Variants in NLGN1 observed in about 807,000 individuals in gnomAD.
NLGN1 encodes neuroligin 1, also known as neuroligin-1.
Under a neutral mutation model 65.5 loss-of-function variants are expected in NLGN1, and 12 were observed. The ratio of observed to expected loss-of-function variants is 0.18; its 90% CI spans 0.12 to 0.30. The LOEUF is 0.30. NLGN1 is among the 10% of genes least tolerant of loss of function. The pLI, the probability that NLGN1 is intolerant of heterozygous loss-of-function variation, is 1.00. For synonymous variants in NLGN1, 350 were observed against 359.5 expected (o/e 0.97, Z 0.30); for missense variants, 750 against 1,007.1 (o/e 0.74, Z 3.46).
chr3:173,467,692 C>G (rs1724598861), intron 2 of NLGN1, among the ~76,000 whole-genome samples: 1 of 152,142 alleles, frequency 6.6e-6, no homozygotes, highest in Non-Finnish European at 1.5e-5. Context: ...ACACCTAGAA[C>G]ACTCCATGAC....
chr3:173,791,252 G>A (rs1050144484), intron 3 of NLGN1, among the ~76,000 whole-genome samples: 1 of 152,140 alleles, frequency 6.6e-6, no homozygotes, highest in East Asian at 1.9e-4. Flanking sequence ...GGAAGTTCTG[G>A]GTAATCGTTA....
At chr3:174,213,830 A>G (rs1424964990) in intron 4 of NLGN1, among the ~76,000 whole-genome samples, 1 of 152,168 alleles carries the variant, frequency 6.6e-6, no homozygotes, top group Non-Finnish European at 1.5e-5. Flanking sequence ...ACTTTTGAAA[A>G]CTATTACATT....
At chr3:174,218,910 T>C (rs534371606) in intron 4 of NLGN1, among the ~76,000 whole-genome samples, 3 of 152,060 alleles carry the variant, frequency 2.0e-5, no homozygotes, top group Non-Finnish European at 2.9e-5. Flanking sequence ...CGGGCTGTTA[T>C]TGCCATTTAT....
chr3:173,832,967 G>A (rs1310320235), intron 4 of NLGN1, among the ~76,000 whole-genome samples: 3 of 151,890 alleles, frequency 2.0e-5, no homozygotes, highest in Admixed American at 1.3e-4. Context: ...ATTTCACTAC[G>A]GGATGCAGAG....
intron 2 of NLGN1, among the ~76,000 whole-genome samples, chr3:173,559,882 A>G (rs1341734263): frequency 6.6e-6 from 1 of 152,104 alleles, no homozygotes; most frequent in African/African-American, 2.4e-5. Context: ...ATTATTAATG[A>G]AAAACACTAA....
chr3:173,832,106 G>A (rs77254991), intron 4 of NLGN1, among the ~76,000 whole-genome samples: 9,990 of 142,592 alleles, frequency 0.07, 450 homozygotes, highest in Non-Finnish European at 0.093. Context: ...ACAGTTGCTC[G>A]CCTCCAAGCC....
chr3:174,276,423 A>ATGAT (rs1390109845), intron 5 of NLGN1, among the ~76,000 whole-genome samples: 2 of 151,910 alleles, frequency 1.3e-5, no homozygotes, highest in East Asian at 1.9e-4. Flanking sequence ...TTATTTATGT[A>ATGAT]TGATAGGAAG....
intron 3 of NLGN1, among the ~76,000 whole-genome samples, chr3:173,613,902 A>T (rs1423094778): frequency 1.3e-5 from 2 of 152,030 alleles, no homozygotes; most frequent in Non-Finnish European, 2.9e-5. Flanking sequence ...GAAAAATCTG[A>T]TTAATGAACA....
At chr3:173,847,437 T>G (rs1360988666) in intron 4 of NLGN1, among the ~76,000 whole-genome samples, 1 of 152,162 alleles carries the variant, frequency 6.6e-6, no homozygotes, top group Non-Finnish European at 1.5e-5. Context: ...GATCAAGTGC[T>G]CAATTCTTCA....
chr3:173,408,628 A>G (rs1711793015), intron 1 of NLGN1, among the ~76,000 whole-genome samples: 1 of 152,136 alleles, frequency 6.6e-6, no homozygotes, highest in Non-Finnish European at 1.5e-5. Flanking sequence ...GAATAGGCGC[A>G]TTGGCCGGGC....
At chr3:173,929,148 T>C (rs2152281120) in intron 4 of NLGN1, among the ~76,000 whole-genome samples, 1 of 152,338 alleles carries the variant, frequency 6.6e-6, no homozygotes, top group East Asian at 1.9e-4. Context: ...CCATTTAATA[T>C]GTGTTCAATA....
intron 2 of NLGN1, among the ~76,000 whole-genome samples, chr3:173,523,046 G>T (rs1349649091): frequency 6.6e-6 from 1 of 151,458 alleles, no homozygotes; most frequent in Non-Finnish European, 1.5e-5. Flanking sequence ...TTTTTTATAT[G>T]CATGTTGGAC....
chr3:174,060,395 C>G (rs1436799271), intron 4 of NLGN1, among the ~76,000 whole-genome samples: 6 of 151,986 alleles, frequency 3.9e-5, no homozygotes, highest in Non-Finnish European at 7.4e-5. Flanking sequence ...GGAAGCAACT[C>G]AGGATCTGAT....
intron 2 of NLGN1, among the ~76,000 whole-genome samples, chr3:173,464,752 T>C (rs1219126892): frequency 6.6e-6 from 1 of 152,230 alleles, no homozygotes; most frequent in African/African-American, 2.4e-5. Context: ...GTTACAATTC[T>C]ATATGCAAGG....
intron 4 of NLGN1, among the ~76,000 whole-genome samples, chr3:174,237,113 A>C (rs1379855933): frequency 1.3e-5 from 2 of 152,096 alleles, no homozygotes; most frequent in African/African-American, 4.8e-5. Flanking sequence ...TAATTTATTG[A>C]TAAAGTAGAA....
At chr3:173,589,422 C>G (rs1333506703) in intron 2 of NLGN1, among the ~76,000 whole-genome samples, 1 of 152,258 alleles carries the variant, frequency 6.6e-6, no homozygotes, top group East Asian at 1.9e-4. Context: ...ACTGCATAGT[C>G]AACTTTCCTC....
At chr3:173,461,767 AT>A (rs1460137124) in intron 2 of NLGN1, among the ~76,000 whole-genome samples, 3 of 152,074 alleles carry the variant, frequency 2.0e-5, no homozygotes, top group Non-Finnish European at 4.4e-5. Context: ...TACAAAAAAA[AT>A]CTCTCTTCTT....
intron 4 of NLGN1, among the ~76,000 whole-genome samples, chr3:173,859,137 GAAAC>G (rs905682000): frequency 7.9e-5 from 12 of 151,874 alleles, no homozygotes; most frequent in Admixed American, 7.2e-4. Flanking sequence ...AAAATAAAAA[GAAAC>G]AAACAAAGAT....
chr3:174,190,300 A>T (rs1577284491), intron 4 of NLGN1, among the ~76,000 whole-genome samples: 1 of 152,180 alleles, frequency 6.6e-6, no homozygotes, highest in East Asian at 1.9e-4. Flanking sequence ...AAAAGCAAAG[A>T]ACATGAACCT....
Sources: allele counts gnomAD v4.1 joint callset (sites outside exome capture counted in the v4.1 genomes callset), GRCh38; gene constraint gnomAD v4.1.1; transcripts MANE v1.5; gene names NCBI Gene and HGNC (gene_info 2026-07-23, HGNC 2026-07-21).